The following TMTC2 variants were observed in gnomAD, a reference collection of about 807,000 sequenced individuals.
The protein encoded by TMTC2 is protein O-mannosyl-transferase TMTC2.
In TMTC2, 43 loss-of-function variants were observed where a neutral mutation model predicts 82.4. The observed-to-expected ratio is 0.52, with a 90% CI of 0.41 to 0.67. The LOEUF (loss-of-function observed/expected upper bound fraction) is 0.67, where lower values mean the gene tolerates loss of function less well. TMTC2 is among the 30% of genes least tolerant of loss of function. The probability of loss-of-function intolerance (pLI) is 0.00; values close to 1 mark genes in which losing one functional copy is unlikely to be tolerated. For missense variants in TMTC2, 919 were observed against 1,012.4 expected (o/e 0.91, Z 1.25); for synonymous variants, 408 against 381.9 (o/e 1.07, Z -0.80).
rs75136566 is a variant in TMTC2, at chr12:82,886,869, G to T, written c.655-8949G>T. Among the ~76,000 whole-genome samples, 7 of 152,222 alleles carry T rather than the reference G, an allele frequency of 4.6e-5. No homozygotes were observed. The East Asian group carries it at 1.2e-3, about 25-fold the overall frequency. The stretch of plus-strand genomic sequence containing the variant: ...TACTTTCAGCCATGCATTCCTTCTT[G>T]TCACATGTTCAGAAATTATGCCTTT... On this transcript the variant is annotated intron_variant, in intron 2 of 11. Transcript: ENST00000321196.
intron 3 of TMTC2, among the ~76,000 whole-genome samples, chr12:82,923,098 G>A (rs952708247): frequency 2.0e-5 from 3 of 152,072 alleles, no homozygotes; most frequent in African/African-American, 4.8e-5. Context: ...TGTCTGCCCC[G>A]GGCCACACTG....
chr12:82,966,028 A>G (rs568105348), intron 6 of TMTC2: 2 of 413,528 alleles, frequency 4.8e-6, no homozygotes, highest in Admixed American at 3.7e-5. Flanking sequence ...ACTATTCAAG[A>G]ATGGGGAAAT....
chr12:83,039,913 A>C (rs920763358), intron 9 of TMTC2, among the ~76,000 whole-genome samples: 1 of 152,238 alleles, frequency 6.6e-6, no homozygotes, highest in African/African-American at 2.4e-5. Flanking sequence ...AAATCAATTC[A>C]AGTAATATGG....
intron 1 of TMTC2, among the ~76,000 whole-genome samples, chr12:82,852,535 T>C (rs1871036263): frequency 6.6e-6 from 1 of 152,138 alleles, no homozygotes; most frequent in Non-Finnish European, 1.5e-5. Flanking sequence ...GTGGAAAATA[T>C]CCTGATTCCT....
Position 83,132,237 on chromosome 12 carries a change from G to A in TMTC2, c.2359G>A (p.Ala787Thr). 1 of 1,612,708 alleles carries A rather than the reference G, an allele frequency of 6.2e-7. No individual in the cohort carries two copies. The change falls in exon 12 of 12, where the codon GCC becomes ACC. Residue 787 changes from alanine to threonine, a missense_variant. Physicochemically the swap from Ala to Thr is moderately conservative, Grantham distance 58. Coordinates refer to ENST00000321196, the MANE Select transcript of TMTC2 (RefSeq NM_152588.3). The stretch of plus-strand genomic sequence containing the variant: ...TCCGGCTGCTTTGATGAACCTGGGA[G>A]CCATTCTGCACCTCAATGGCAGACT... ...NYPAALMNLG[A>T]ILHLNGRLQK... is the part of the protein sequence containing the mutation.
At chr12:83,016,777 C>A (rs1358623679) in intron 8 of TMTC2, among the ~76,000 whole-genome samples, 1 of 152,140 alleles carries the variant, frequency 6.6e-6, no homozygotes, top group Non-Finnish European at 1.5e-5. Flanking sequence ...TGTGTGAATC[C>A]CAGCTCTGCC....
At chr12:82,957,795 A>G (rs1416309869) in intron 4 of TMTC2, among the ~76,000 whole-genome samples, 1 of 152,128 alleles carries the variant, frequency 6.6e-6, no homozygotes, top group Non-Finnish European at 1.5e-5. Flanking sequence ...CAGTTTCACA[A>G]GATTGAACCT....
intron 2 of TMTC2, among the ~76,000 whole-genome samples, chr12:82,889,719 C>A (rs1228123222): frequency 6.6e-6 from 1 of 152,062 alleles, no homozygotes; most frequent in African/African-American, 2.4e-5. Context: ...ACCAGTCATG[C>A]TGTTATAGAA....
chr12:82,952,610 A>G (rs982026498), intron 4 of TMTC2, among the ~76,000 whole-genome samples: 2 of 152,058 alleles, frequency 1.3e-5, no homozygotes, highest in Admixed American at 1.3e-4. Context: ...CAGTGGTGCA[A>G]TCTTGGCTCA....
intron 8 of TMTC2, among the ~76,000 whole-genome samples, chr12:83,018,678 C>A (rs1452556119): frequency 7.7e-6 from 1 of 129,944 alleles, no homozygotes; most frequent in East Asian, 2.1e-4. Context: ...TTTTTTTTCC[C>A]TTATGAGGAG....
At chr12:83,106,975 A>G (rs534604018) in intron 11 of TMTC2, among the ~76,000 whole-genome samples, 1 of 152,236 alleles carries the variant, frequency 6.6e-6, no homozygotes, top group Admixed American at 6.5e-5. Context: ...CAGTAAATTA[A>G]TGATATAAAT....
intron 1 of TMTC2, among the ~76,000 whole-genome samples, chr12:82,730,962 A>G (rs1230309740): frequency 6.6e-6 from 1 of 152,268 alleles, no homozygotes; most frequent in African/African-American, 2.4e-5. Context: ...CAGAGTAGCT[A>G]GCAGCTATTT....
intron 2 of TMTC2, among the ~76,000 whole-genome samples, chr12:82,862,084 A>G (rs942015722): frequency 2.6e-5 from 4 of 152,172 alleles, no homozygotes; most frequent in South Asian, 4.1e-4. Flanking sequence ...TTGACCTCTC[A>G]CTAAATGATT....
At chr12:83,043,976 G>A (rs1881993703) in intron 9 of TMTC2, among the ~76,000 whole-genome samples, 1 of 152,096 alleles carries the variant, frequency 6.6e-6, no homozygotes, top group Non-Finnish European at 1.5e-5. Context: ...GATTTTTTGT[G>A]TTTTCCAAGG....
intron 1 of TMTC2, among the ~76,000 whole-genome samples, chr12:82,693,085 A>G (rs1166294430): frequency 1.3e-5 from 2 of 152,180 alleles, no homozygotes; most frequent in Non-Finnish European, 2.9e-5. Context: ...GCATCCCACA[A>G]AACATTGTGC....
At chr12:83,040,897 G>C (rs1190370305) in intron 9 of TMTC2, among the ~76,000 whole-genome samples, 2 of 151,934 alleles carry the variant, frequency 1.3e-5, no homozygotes, top group African/African-American at 4.8e-5. Flanking sequence ...TGTTAGCCAG[G>C]ATGGTCTCGA....
At chr12:82,922,127 T>A (rs1384104147) in intron 3 of TMTC2, among the ~76,000 whole-genome samples, 1 of 152,130 alleles carries the variant, frequency 6.6e-6, no homozygotes, top group African/African-American at 2.4e-5. Flanking sequence ...CATTTGTAAC[T>A]GTTATTTACA....
chr12:83,068,786 T>G (rs1299398554), intron 11 of TMTC2, among the ~76,000 whole-genome samples: 1 of 152,112 alleles, frequency 6.6e-6, no homozygotes, highest in Non-Finnish European at 1.5e-5. Context: ...TGGTGATTTG[T>G]GAGATTTTGG....
intron 11 of TMTC2, among the ~76,000 whole-genome samples, chr12:83,105,627 C>A (rs1334365222): frequency 6.6e-6 from 1 of 152,160 alleles, no homozygotes; most frequent in African/African-American, 2.4e-5. Flanking sequence ...CAACACCAAG[C>A]CATGAGGGAT....
Sources: allele counts gnomAD v4.1 joint callset (sites outside exome capture counted in the v4.1 genomes callset), GRCh38; gene constraint gnomAD v4.1.1; transcripts MANE v1.5; gene names NCBI Gene and HGNC (gene_info 2026-07-23, HGNC 2026-07-21).